The following HSD11B1 variants were observed in gnomAD, a reference collection of about 807,000 sequenced individuals.
HSD11B1 encodes 11-beta-hydroxysteroid dehydrogenase 1.
In HSD11B1, 15 loss-of-function variants were observed where a neutral mutation model predicts 22.1. The ratio of observed to expected loss-of-function variants is 0.68; its 90% CI spans 0.45 to 1.04. The LOEUF (loss-of-function observed/expected upper bound fraction) is 1.04. Among genes scored for constraint, HSD11B1 ranks in the 50% least tolerant of loss-of-function variants. HSD11B1 has a pLI of 0.00. For synonymous variants in HSD11B1, 122 were observed against 125.2 expected (o/e 0.97, Z 0.17); for missense variants, 281 against 357.6 (o/e 0.79, Z 1.73).
At chr1:209,687,723 C>T (rs961220792) in intron 1 of HSD11B1, among the ~76,000 whole-genome samples, 3 of 152,114 alleles carry the variant, frequency 2.0e-5, no homozygotes, top group East Asian at 3.8e-4. Context: ...CCCAGATGTC[C>T]GAGAGCTCAT....
chr1:209,693,097 G>T (rs1032901397), intron 1 of HSD11B1, among the ~76,000 whole-genome samples: 1 of 152,146 alleles, frequency 6.6e-6, no homozygotes, highest in African/African-American at 2.4e-5. Context: ...GGCTCCCTCT[G>T]CTGGCAGAAG....
intron 1 of HSD11B1, among the ~76,000 whole-genome samples, chr1:209,688,166 C>T (rs1352037495): frequency 6.6e-6 from 1 of 152,158 alleles, no homozygotes; most frequent in Admixed American, 6.5e-5. Context: ...TTGCTCTAGC[C>T]ATTCAGGCTA....
chr1:209,695,611 C>A (rs1356917419), intron 1 of HSD11B1, among the ~76,000 whole-genome samples: 1 of 152,036 alleles, frequency 6.6e-6, no homozygotes, highest in Non-Finnish European at 1.5e-5. Flanking sequence ...GAGATCGAAC[C>A]ATCCTGGCCA....
At chr1:209,705,967 G>A in intron 2 of HSD11B1, 26 bp downstream of exon 2, 1 of 1,613,284 alleles carries the variant, frequency 6.2e-7, no homozygotes, top group African/African-American at 1.3e-5. Flanking sequence ...TCGCAGATAT[G>A]TGTACCGTCA....
chr1:209,687,068 C>T (rs1375093918), intron 1 of HSD11B1, among the ~76,000 whole-genome samples: 1 of 152,218 alleles, frequency 6.6e-6, no homozygotes, highest in African/African-American at 2.4e-5. Flanking sequence ...TTTACCCAAA[C>T]CTTCACTTGC....
intron 4 of HSD11B1, among the ~76,000 whole-genome samples, chr1:209,709,692 T>A (rs2076882360): frequency 6.6e-6 from 1 of 152,172 alleles, no homozygotes; most frequent in Non-Finnish European, 1.5e-5. Flanking sequence ...CATGTCTGAA[T>A]TCTAACTCAA....
chr1:209,731,055 A>G (rs903235105), intron 4 of HSD11B1, among the ~76,000 whole-genome samples: 2 of 152,232 alleles, frequency 1.3e-5, no homozygotes, highest in Admixed American at 1.3e-4. Flanking sequence ...TCTTGCCAAC[A>G]TGAATAGCTA....
At chr1:209,724,805 A>G (rs1313378355) in intron 4 of HSD11B1, among the ~76,000 whole-genome samples, 2 of 152,328 alleles carry the variant, frequency 1.3e-5, no homozygotes, top group East Asian at 3.9e-4. Context: ...GGCTTTAATT[A>G]AATGCACCAA....
intron 4 of HSD11B1, among the ~76,000 whole-genome samples, chr1:209,724,703 G>C (rs989211904): frequency 6.6e-6 from 1 of 152,092 alleles, no homozygotes; most frequent in South Asian, 2.1e-4. Context: ...TCTAAATATG[G>C]TTTACATAGA....
chr1:209,701,059 A>G (rs1160697197), upstream of HSD11B1, among the ~76,000 whole-genome samples: 1 of 152,198 alleles, frequency 6.6e-6, no homozygotes, highest in Non-Finnish European at 1.5e-5. Flanking sequence ...TGAGCCCTCC[A>G]AACTGTTCCA....
chr1:209,699,491 C>T (rs1363024669), intron 1 of HSD11B1, among the ~76,000 whole-genome samples: 1 of 152,024 alleles, frequency 6.6e-6, no homozygotes, highest in Non-Finnish European at 1.5e-5. Context: ...GAAAGACTGG[C>T]CCCCATGATT....
At chr1:209,696,310 TG>T (rs1208961012) in intron 1 of HSD11B1, among the ~76,000 whole-genome samples, 1 of 152,208 alleles carries the variant, frequency 6.6e-6, no homozygotes, top group African/African-American at 2.4e-5. Flanking sequence ...TCAAAATCAT[TG>T]AATTGTACAC....
intron 4 of HSD11B1, among the ~76,000 whole-genome samples, chr1:209,718,952 G>A (rs966588156): frequency 2.1e-5 from 3 of 140,322 alleles, no homozygotes; most frequent in Non-Finnish European, 4.5e-5. Context: ...CCCGGGAGGC[G>A]GAGGTTGCAG....
At chr1:209,719,322 T>G (rs1159639061) in intron 4 of HSD11B1, among the ~76,000 whole-genome samples, 4 of 152,168 alleles carry the variant, frequency 2.6e-5, no homozygotes, top group African/African-American at 9.7e-5. Flanking sequence ...CCCTCTGGTA[T>G]TGGTTTGCAA....
At chr1:209,727,595 G>A (rs1431951998) in intron 4 of HSD11B1, among the ~76,000 whole-genome samples, 1 of 152,174 alleles carries the variant, frequency 6.6e-6, no homozygotes, top group Non-Finnish European at 1.5e-5. Flanking sequence ...AAAGAACAGT[G>A]CCTTCTGTAG....
chr1:209,732,000 C>T (rs1311783283), intron 4 of HSD11B1, among the ~76,000 whole-genome samples: 1 of 152,200 alleles, frequency 6.6e-6, no homozygotes, highest in Non-Finnish European at 1.5e-5. Flanking sequence ...AGCCACCACA[C>T]CTGGCCAGGA....
intron 1 of HSD11B1, among the ~76,000 whole-genome samples, chr1:209,692,883 T>C (rs1365751129): frequency 6.6e-6 from 1 of 152,052 alleles, no homozygotes; most frequent in East Asian, 1.9e-4. Flanking sequence ...TGGACTAGAG[T>C]GGAAATCAGG....
At chr1:209,708,329 G>A (rs1244357558) in intron 4 of HSD11B1, among the ~76,000 whole-genome samples, 1 of 152,196 alleles carries the variant, frequency 6.6e-6, no homozygotes. Flanking sequence ...TCTGTAAACT[G>A]TTAAGCACTT....
chr1:209,718,432 A>G (rs542440250), intron 4 of HSD11B1, among the ~76,000 whole-genome samples: 1 of 152,314 alleles, frequency 6.6e-6, no homozygotes, highest in South Asian at 2.1e-4. Flanking sequence ...TTTACCAAAG[A>G]AGACAAACAA....
Sources: gnomAD v4.1 joint callset for allele counts (sites outside exome capture counted in the v4.1 genomes callset) on GRCh38, gnomAD v4.1.1 for gene constraint, MANE v1.5 for transcripts, NCBI Gene and HGNC (gene_info 2026-07-23, HGNC 2026-07-21) for gene names.